The following ZNF417 variants were observed in gnomAD, a reference collection of about 807,000 sequenced individuals.
ZNF417 encodes the protein zinc finger protein 417.
Under a neutral mutation model 7.4 loss-of-function variants are expected in ZNF417, and 5 were observed. The observed-to-expected ratio is 0.68, with a 90% CI of 0.35 to 1.43. The LOEUF (loss-of-function observed/expected upper bound fraction) is 1.43, where lower values mean the gene tolerates loss of function less well. ZNF417 is among the 40% of genes most tolerant of loss of function. The pLI is 0.04. For missense variants in ZNF417, 437 were observed against 697.3 expected (o/e 0.63, Z 4.20); for synonymous variants, 147 against 239.1 (o/e 0.61, Z 3.55).
rs556239369 is a variant in ZNF417 at position 57,914,964 on chromosome 19, A to G, written c.33+1415T>C. Among the ~76,000 whole-genome samples the G allele has an allele frequency of 2.0e-5, 3 of 152,306 alleles. No individual in the cohort carries two copies. In the South Asian group the frequency reaches 6.2e-4, roughly 32 times the overall value. Reference sequence around the variant, plus strand: ...GAACCTGTGGATGGGGTCAAGACCAATGAGGGGATTGAACACCCTCCACTT... The same window carrying G: ...GAACCTGTGGATGGGGTCAAGACCAGTGAGGGGATTGAACACCCTCCACTT... On this transcript the variant is annotated intron_variant, in intron 1 of 2. Transcript: ENST00000312026.
intron 1 of ZNF417, 77 bp downstream of exon 1, chr19:57,916,302 C>T (rs948263656): frequency 2.5e-6 from 4 of 1,611,672 alleles, no homozygotes; most frequent in African/African-American, 2.7e-5. Flanking sequence ...GACCCGTGAG[C>T]AGGAGCCGCT....
chr19:57,912,025 A>G (rs1313007372), intron 2 of ZNF417, 35 bp downstream of exon 2: 2 of 1,541,924 alleles, frequency 1.3e-6, no homozygotes, highest in East Asian at 2.3e-5. Flanking sequence ...CAGTAACACT[A>G]GCTCAGGTCA....
At position 57,905,920 on chromosome 19, in the gene ZNF417, C is replaced by T. The variant is rs2071821298; in HGVS notation, c.*2630G>A. Among the ~76,000 whole-genome samples, 1 of 152,108 alleles carries T rather than the reference C, an allele frequency of 6.6e-6. No individual in the cohort carries two copies. Among genetic ancestry groups the T allele is most frequent in the Non-Finnish European group, 1.5e-5 (1 of 68,028 alleles). On this transcript the variant is annotated 3_prime_UTR_variant, in exon 3 of 3. Coordinates refer to ENST00000312026, the MANE Select transcript of ZNF417 (RefSeq NM_152475.3). Reference sequence around the variant, plus strand: ...CAAGAGCCTGCAGAGACTAAAATTGCTTAGTACTGAAAGTTTTGCCTATAT... The same window carrying T: ...CAAGAGCCTGCAGAGACTAAAATTGTTTAGTACTGAAAGTTTTGCCTATAT...
In ZNF417 at chr19:57,908,718, A is replaced by G. The variant is rs2071860806; in HGVS notation, c.1560T>C (p.Tyr520=). Residue 520 remains tyrosine, a synonymous_variant, in exon 3 of 3, where the codon TAT becomes TAC. Coordinates refer to ENST00000312026, the MANE Select transcript of ZNF417 (RefSeq NM_152475.3). The part of the protein sequence containing the change: ...HKRVHSGQKP[Y]KCSECGKSFA... ...AGGATTTTCCACATTCACTGCACTT[A>G]TAAGGCTTTTGTCCAGAATGAACTC... is the stretch of plus-strand genomic sequence containing the variant. The G allele has an allele frequency of 2.5e-6, 4 of 1,613,978 alleles. No homozygotes were observed. The East Asian group carries it at 6.7e-5, about 27-fold the overall frequency.
At position 57,909,762 on chromosome 19, in the gene ZNF417, GAA is replaced by G; in HGVS notation, c.514_515del (p.Phe172ProfsTer26). ...GCAGAACGTCCTTCCCAAACTCGCG[GAA>G]GACAAATGGCTCCTGTGACACCCTG... is the stretch of plus-strand genomic sequence containing the variant. ...KLRVSQEPFV[F>X]REFGKDVLPS... is the part of the protein sequence containing the mutation. On this transcript the variant is annotated frameshift_variant, in exon 3 of 3. Transcript: ENST00000312026. LOFTEE classifies it low-confidence loss of function (END_TRUNC). 1 of 1,505,474 alleles carries G rather than the reference GAA, an allele frequency of 6.6e-7. No individual in the cohort carries two copies. The highest frequency in any genetic ancestry group is 1.1e-5 in the South Asian group (1 of 88,272). The allele number at this position is 1,505,474 out of a possible 1,614,324, so 93.3% of individuals were successfully genotyped here. A position where few individuals can be genotyped will look rare whatever the true frequency, so the allele number is the denominator to read the frequency against.
In ZNF417 at chr19:57,908,281, G is replaced by T; in HGVS notation, c.*269C>A. On this transcript the variant is annotated 3_prime_UTR_variant, in exon 3 of 3. Coordinates refer to ENST00000312026, the MANE Select transcript of ZNF417 (RefSeq NM_152475.3). ...TGGCCGGGCATGGTGTGGTGTACTC[G>T]TAATCTCAGCTCCTTGGGAGGCTGA... The T allele has an allele frequency of 1.9e-6, 1 of 532,540 alleles. No homozygotes were observed. Among genetic ancestry groups the T allele is most frequent in the Non-Finnish European group, 3.3e-6 (1 of 301,070 alleles). The allele number at this position is 532,540 out of a possible 1,614,324, so 33.0% of individuals were successfully genotyped here. A position where few individuals can be genotyped will look rare whatever the true frequency, so the allele number is the denominator to read the frequency against.
chr19:57,913,122 A>G (rs2071914505), intron 1 of ZNF417, among the ~76,000 whole-genome samples: 1 of 151,882 alleles, frequency 6.6e-6, no homozygotes, highest in South Asian at 2.1e-4. Flanking sequence ...AGTGGGAATG[A>G]GATTTGTACT....
intron 1 of ZNF417, among the ~76,000 whole-genome samples, chr19:57,915,957 GA>G (rs1482757068): frequency 6.6e-6 from 1 of 152,122 alleles, no homozygotes; most frequent in Non-Finnish European, 1.5e-5. Context: ...ATCCCACCCA[GA>G]ACAGAAAACA....
Position 57,916,456 on chromosome 19 carries a change from A to C in ZNF417, c.-45T>G, listed in dbSNP as rs761514169. ...CGGCCCGGGAGCAGTGGTCGCCGTC[A>C]CGGGGCTGCAGAGCCGCCTCTGGGC... On this transcript the variant is annotated 5_prime_UTR_variant, in exon 1 of 3. Coordinates refer to ENST00000312026, the MANE Select transcript of ZNF417 (RefSeq NM_152475.3). The C allele has an allele frequency of 6.2e-7, 1 of 1,613,074 alleles. No homozygotes were observed. The highest frequency in any genetic ancestry group is 1.7e-5 in the Admixed American group (1 of 59,986).
At position 57,916,450 on chromosome 19, in the gene ZNF417, G is replaced by A. The variant is rs376083419; in HGVS notation, c.-39C>T. 430 of 1,613,456 alleles carry A rather than the reference G, an allele frequency of 2.7e-4. No homozygotes were observed. The highest frequency in any genetic ancestry group is 2.5e-4 in the Non-Finnish European group (293 of 1,179,900). ...GAAGCACGGCCCGGGAGCAGTGGTCGCCGTCACGGGGCTGCAGAGCCGCCT... is the reference window on the plus strand; with the variant it reads ...GAAGCACGGCCCGGGAGCAGTGGTCACCGTCACGGGGCTGCAGAGCCGCCT... On this transcript the variant is annotated 5_prime_UTR_variant, in exon 1 of 3. Transcript: ENST00000312026.
At chr19:57,914,474 G>A (rs1224066631) in intron 1 of ZNF417, among the ~76,000 whole-genome samples, 4 of 65,630 alleles carry the variant, frequency 6.1e-5, no homozygotes, top group South Asian at 5.8e-4. Flanking sequence ...CAACAAGACC[G>A]AAACTCCACA....
chr19:57,908,622 T>C lies in ZNF417; in HGVS notation c.1656A>G (p.Lys552=). Residue 552 remains lysine, a synonymous_variant, in exon 3 of 3, where the codon AAA becomes AAG. Coordinates refer to ENST00000312026, the MANE Select transcript of ZNF417 (RefSeq NM_152475.3). ...AGCTTCGCTGAAATGTTTTTCCACA[T>C]TTGGTACATTCATAAGGCCTTTCTC... ...HTGERPYECT[K]CGKTFQRSST... is the part of the protein sequence containing the mutation. The C allele has an allele frequency of 6.2e-7, 1 of 1,614,004 alleles. No homozygotes were observed. The highest frequency in any genetic ancestry group is 1.3e-5 in the African/African-American group (1 of 74,996).
chr19:57,912,807 G>T (rs1028258087), intron 1 of ZNF417, among the ~76,000 whole-genome samples: 10 of 151,872 alleles, frequency 6.6e-5, no homozygotes, highest in Admixed American at 1.3e-4. Flanking sequence ...TAGAGAGGGG[G>T]TTTCACCATG....
At chr19:57,915,080 C>T (rs1443070678) in intron 1 of ZNF417, among the ~76,000 whole-genome samples, 2 of 152,138 alleles carry the variant, frequency 1.3e-5, no homozygotes, top group East Asian at 1.9e-4. Flanking sequence ...TTGATAAGCT[C>T]AGGCCTCCCT....
rs1555779456 is a variant in ZNF417 at position 57,909,826 on chromosome 19, C to T, written c.452G>A (p.Ser151Asn). 1.3e-6 allele frequency: 2 copies of T among 1,520,408 alleles called. No individual in the cohort carries two copies. The highest frequency in any genetic ancestry group is 4.7e-5 in the East Asian group (2 of 42,728). The allele number at this position is 1,520,408 out of a possible 1,614,324, so 94.2% of individuals were successfully genotyped here. Residue 151 changes from serine to asparagine, a missense_variant, in exon 3 of 3, where the codon AGT becomes AAT. Ser to Asn is a conservative substitution (Grantham distance 46, BLOSUM62 1). Around this residue, in one of 5 missense-constraint regions of ZNF417, gnomAD observed 60 missense variants for 266.0 expected, o/e 0.23. Coordinates refer to ENST00000312026, the MANE Select transcript of ZNF417 (RefSeq NM_152475.3). ...QHIGEKFYRK[S>N]VREASFVKKR... ...CTTTACAAACGATGCTTCTCTGACA[C>T]TCTTTCTGTAGAATTTCTCTCCAAT...
At chr19:57,914,027 G>A (rs1490866376) in intron 1 of ZNF417, among the ~76,000 whole-genome samples, 1 of 152,138 alleles carries the variant, frequency 6.6e-6, no homozygotes, top group African/African-American at 2.4e-5. Flanking sequence ...ATTGGTCACT[G>A]ACTCTTCATA....
In ZNF417 at chr19:57,916,565, C is replaced by G. The variant is rs1038327549; in HGVS notation, c.-154G>C. ...TCAGGGGCCACAAACTGGGGAAACA[C>G]CCGCGTCACCGATACACAGCCGCTA... is the stretch of plus-strand genomic sequence containing the variant. On this transcript the variant is annotated 5_prime_UTR_variant, in exon 1 of 3. Coordinates refer to ENST00000312026, the MANE Select transcript of ZNF417 (RefSeq NM_152475.3). 39 of 1,493,364 alleles carry G rather than the reference C, an allele frequency of 2.6e-5. No individual in the cohort carries two copies. The highest frequency in any genetic ancestry group is 3.3e-5 in the Non-Finnish European group (37 of 1,123,444). The allele number at this position is 1,493,364 out of a possible 1,614,324, so 92.5% of individuals were successfully genotyped here.
Position 57,916,578 on chromosome 19 carries a change from T to C in ZNF417, c.-167A>G, listed in dbSNP as rs1291222697. The stretch of plus-strand genomic sequence containing the variant: ...ACTGGGGAAACACCCGCGTCACCGA[T>C]ACACAGCCGCTACTAGAGACCCCGG... On this transcript the variant is annotated 5_prime_UTR_variant, in exon 1 of 3. Transcript: ENST00000312026. The C allele has an allele frequency of 7.4e-6, 11 of 1,478,220 alleles. No homozygotes were observed. The highest frequency in any genetic ancestry group is 1.3e-5 in the South Asian group (1 of 74,286). The allele number at this position is 1,478,220 out of a possible 1,614,324, so 91.6% of individuals were successfully genotyped here.
At position 57,906,259 on chromosome 19, in the gene ZNF417, GAGA is replaced by G. The variant is rs2071826154; in HGVS notation, c.*2288_*2290del. Among the ~76,000 whole-genome samples, 1 of 152,288 alleles carries G rather than the reference GAGA, an allele frequency of 6.6e-6. No homozygotes were observed. Among genetic ancestry groups the G allele is most frequent in the South Asian group, 2.1e-4 (1 of 4,824 alleles). On this transcript the variant is annotated 3_prime_UTR_variant, in exon 3 of 3. Coordinates refer to ENST00000312026, the MANE Select transcript of ZNF417 (RefSeq NM_152475.3). Reference sequence around the variant, plus strand: ...AAAAATCATCAAAGATCTTTCCAGTGAGAAGGATGAAAAATATTACTGAGAATG... The same window carrying G: ...AAAAATCATCAAAGATCTTTCCAGTGAGGATGAAAAATATTACTGAGAATG...
Sources: gnomAD v4.1 joint callset for allele counts (sites outside exome capture counted in the v4.1 genomes callset) on GRCh38, gnomAD v4.1.1 for gene constraint, gnomAD v4.1.1 regional missense constraint, MANE v1.5 for transcripts, NCBI Gene and HGNC (gene_info 2026-07-23, HGNC 2026-07-21) for gene names.